CRPPA: variants seen among roughly 807,000 people sequenced by gnomAD.
CRPPA encodes CDP-L-ribitol pyrophosphorylase A.
A neutral mutation model predicts 52.0 loss-of-function variants in CRPPA; 43 were observed. The observed-to-expected ratio is 0.83, with a 90% CI of 0.65 to 1.07. CRPPA has a LOEUF of 1.07. Among genes scored for constraint, CRPPA ranks in the 50% least tolerant of loss-of-function variants. The probability of loss-of-function intolerance (pLI) is 0.00; values close to 1 mark genes in which losing one functional copy is unlikely to be tolerated. For synonymous variants in CRPPA, 250 were observed against 203.5 expected, an observed-to-expected ratio of 1.23 and a Z score of -1.94; for missense variants, 629 against 551.7, an observed-to-expected ratio of 1.14 and a Z score of -1.40.
chr7:16,337,147 C>T (rs1161709512), intron 3 of CRPPA, among the ~76,000 whole-genome samples: 1 of 152,090 alleles, frequency 6.6e-6, no homozygotes, highest in Non-Finnish European at 1.5e-5. Flanking sequence ...ATGTAGAGAA[C>T]ATTCGGTCCA....
At chr7:16,259,524 G>A (rs1056827007) in intron 6 of CRPPA, among the ~76,000 whole-genome samples, 33 of 151,984 alleles carry the variant, frequency 2.2e-4, no homozygotes, top group African/African-American at 7.0e-4. Context: ...TAAAACTGTC[G>A]GGAACTTACT....
chr7:16,345,084 C>G (rs974637704), intron 3 of CRPPA, among the ~76,000 whole-genome samples: 1 of 152,006 alleles, frequency 6.6e-6, no homozygotes, highest in African/African-American at 2.4e-5. Flanking sequence ...CCAAAGGAAT[C>G]AAAAAGGGAA....
At chr7:16,186,799 C>G (rs181872351) in intron 9 of CRPPA, among the ~76,000 whole-genome samples, 1 of 136,190 alleles carries the variant, frequency 7.3e-6, no homozygotes, top group African/African-American at 2.6e-5. Flanking sequence ...GAGGATATAG[C>G]AGATATAACA....
At chr7:16,105,469 C>T (rs1247197753) in intron 9 of CRPPA, among the ~76,000 whole-genome samples, 1 of 152,124 alleles carries the variant, frequency 6.6e-6, no homozygotes, top group Non-Finnish European at 1.5e-5. Flanking sequence ...TGGCATGCTT[C>T]CTAGAAAGCC....
In CRPPA at chr7:16,302,286, ACT is replaced by A. The variant is rs542535515; in HGVS notation, c.790-822_790-821del. On this transcript the variant is annotated intron_variant, in intron 4 of 9. Transcript: ENST00000407010. ...ACTCCAGCCTGGGCTACAGAGCGAG[ACT>A]CTGTCTCAAAAAAAAAAAAAAAAAA... is the stretch of plus-strand genomic sequence containing the variant. Among the ~76,000 whole-genome samples, 683 of 104,548 alleles carry A rather than the reference ACT, an allele frequency of 6.5e-3. 11 individuals are homozygous for A. The highest frequency in any genetic ancestry group is 0.028 in the African/African-American group (651 of 23,236). 68.6% of individuals were successfully genotyped at this position (104,548 alleles called of 152,430 possible). A position where few individuals can be genotyped will look rare whatever the true frequency, so the allele number is the denominator to read the frequency against.
chr7:16,385,238 A>G (rs2178599), intron 2 of CRPPA, among the ~76,000 whole-genome samples: 3,986 of 152,270 alleles, frequency 0.026, 73 homozygotes, highest in East Asian at 0.13. Context: ...AGAAGCAGAA[A>G]AAAAAAATTC....
At chr7:16,205,732 T>G (rs1918259) in intron 9 of CRPPA, among the ~76,000 whole-genome samples, 1 of 151,606 alleles carries the variant, frequency 6.6e-6, no homozygotes, top group Non-Finnish European at 1.5e-5. Flanking sequence ...TATTTCCTCT[T>G]ACTACAGTGA....
At chr7:16,382,829 G>C (rs1428092091) in intron 2 of CRPPA, among the ~76,000 whole-genome samples, 3 of 152,186 alleles carry the variant, frequency 2.0e-5, no homozygotes, top group Non-Finnish European at 4.4e-5. Flanking sequence ...TCGAGCCTTG[G>C]CTTTCAGCTC....
intron 9 of CRPPA, among the ~76,000 whole-genome samples, chr7:16,169,516 A>T (rs1781134189): frequency 6.6e-6 from 1 of 152,240 alleles, no homozygotes; most frequent in Non-Finnish European, 1.5e-5. Flanking sequence ...GTTTTACAAC[A>T]TATTAAGTAT....
In CRPPA at chr7:16,376,047, G is replaced by C. The variant is rs1390977943; in HGVS notation, c.684+45C>G. The C allele has an allele frequency of 1.2e-5, 18 of 1,532,708 alleles. No homozygotes were observed. In the Middle Eastern group the frequency reaches 5.1e-4, roughly 44 times the overall value. The allele number at this position is 1,532,708 out of a possible 1,614,324, so 94.9% of individuals were successfully genotyped here. A position where few individuals can be genotyped will look rare whatever the true frequency, so the allele number is the denominator to read the frequency against. On this transcript the variant is annotated intron_variant, in intron 3 of 9. Coordinates refer to ENST00000407010, the MANE Select transcript of CRPPA (RefSeq NM_001101426.4). ...TCTCCAAATGTGGAGGTTGTTTGGG[G>C]AACCTGACATAACAGCAGCTTATTC...
At chr7:16,300,947 T>C (rs1425377594) in intron 5 of CRPPA, among the ~76,000 whole-genome samples, 1 of 152,136 alleles carries the variant, frequency 6.6e-6, no homozygotes, top group Admixed American at 6.5e-5. Context: ...AATTACAAAA[T>C]TGCAGTCATT....
At chr7:16,339,357 G>T (rs533223960) in intron 3 of CRPPA, among the ~76,000 whole-genome samples, 111 of 152,116 alleles carry the variant, frequency 7.3e-4, no homozygotes, top group African/African-American at 2.7e-3. Flanking sequence ...TGACCAAGGG[G>T]GATCTATCTC....
chr7:16,177,275 G>C (rs1168392806), intron 9 of CRPPA, among the ~76,000 whole-genome samples: 2 of 152,038 alleles, frequency 1.3e-5, no homozygotes, highest in Non-Finnish European at 2.9e-5. Flanking sequence ...TGGTATTCTA[G>C]ATAGGTAGAT....
intron 9 of CRPPA, among the ~76,000 whole-genome samples, chr7:16,202,655 G>C (rs1235534192): frequency 6.6e-6 from 1 of 152,180 alleles, no homozygotes; most frequent in Non-Finnish European, 1.5e-5. Flanking sequence ...GAATGACAGG[G>C]AATACTTGAG....
intron 2 of CRPPA, among the ~76,000 whole-genome samples, chr7:16,397,399 C>T (rs551672838): frequency 6.6e-6 from 1 of 152,260 alleles, no homozygotes; most frequent in South Asian, 2.1e-4. Context: ...GATGTGACAA[C>T]TGACACGTAA....
intron 3 of CRPPA, among the ~76,000 whole-genome samples, chr7:16,359,954 C>A (rs1786398661): frequency 1.3e-5 from 2 of 152,164 alleles, no homozygotes; most frequent in South Asian, 2.1e-4. Context: ...GAAGTAACAA[C>A]TCTATTATTG....
At chr7:16,108,803 G>A (rs1468053833) in intron 9 of CRPPA, among the ~76,000 whole-genome samples, 1 of 151,730 alleles carries the variant, frequency 6.6e-6, no homozygotes, top group African/African-American at 2.4e-5. Flanking sequence ...TCAATAACAG[G>A]AGAAATGGCA....
At chr7:16,402,282 C>A in intron 2 of CRPPA, among the ~76,000 whole-genome samples, 1 of 152,146 alleles carries the variant, frequency 6.6e-6, no homozygotes, top group Non-Finnish European at 1.5e-5. Context: ...AACATTACCA[C>A]AGAATCTATA....
At position 16,307,276 on chromosome 7, in the gene CRPPA, T is replaced by A. The variant is rs569756253; in HGVS notation, c.789+1247A>T. Among the ~76,000 whole-genome samples, 23 of 152,318 alleles carry A rather than the reference T, an allele frequency of 1.5e-4. No homozygotes were observed. In the South Asian group the frequency reaches 1.9e-3, roughly 12 times the overall value. On this transcript the variant is annotated intron_variant, in intron 4 of 9. Coordinates refer to ENST00000407010, the MANE Select transcript of CRPPA (RefSeq NM_001101426.4). ...AGACTCCTATTTCCAAATGTCCTGT[T>A]CAATTCAACTAATGAAACAAAGAAT...
Sources: allele counts gnomAD v4.1 joint callset (sites outside exome capture counted in the v4.1 genomes callset), GRCh38; gene constraint gnomAD v4.1.1; transcripts MANE v1.5; gene names NCBI Gene and HGNC (gene_info 2026-07-23, HGNC 2026-07-21).